The following CTNND2 variants were observed in gnomAD, a reference collection of about 807,000 sequenced individuals.
The protein encoded by CTNND2 is catenin delta-2.
Under a neutral mutation model 144.4 loss-of-function variants are expected in CTNND2, and 22 were observed. The observed-to-expected ratio is 0.15, with a 90% CI of 0.11 to 0.22. The LOEUF is 0.22. Ranked by LOEUF, CTNND2 falls within the 10% of genes least tolerant of loss-of-function variation. The pLI is 1.00. For missense variants in CTNND2, 1,353 were observed against 1,618.8 expected (o/e 0.84, Z 2.82); for synonymous variants, 751 against 695.6 (o/e 1.08, Z -1.25).
intron 7 of CTNND2, among the ~76,000 whole-genome samples, chr5:11,367,652 T>A (rs1185287126): frequency 6.6e-6 from 1 of 152,222 alleles, no homozygotes; most frequent in Admixed American, 6.5e-5. Context: ...AGAAAAAATG[T>A]TGGAGAAAAT....
intron 1 of CTNND2, among the ~76,000 whole-genome samples, chr5:11,800,786 CT>C (rs2126886554): frequency 6.6e-6 from 1 of 152,258 alleles, no homozygotes; most frequent in Admixed American, 6.5e-5. Context: ...ATCCTTCTCA[CT>C]TAGAATTGAG....
intron 2 of CTNND2, among the ~76,000 whole-genome samples, chr5:11,633,050 C>T (rs149715838): frequency 6.6e-6 from 1 of 152,154 alleles, no homozygotes; most frequent in African/African-American, 2.4e-5. Context: ...GCCAGAGAGA[C>T]AGGAGAGATA....
chr5:11,597,379 T>C (rs1779564228), intron 2 of CTNND2, among the ~76,000 whole-genome samples: 1 of 152,166 alleles, frequency 6.6e-6, no homozygotes, highest in Non-Finnish European at 1.5e-5. Flanking sequence ...GCTCCCTTTA[T>C]TACCCAGTCA....
At chr5:11,229,829 A>C (rs1276677370) in intron 10 of CTNND2, among the ~76,000 whole-genome samples, 1 of 151,610 alleles carries the variant, frequency 6.6e-6, no homozygotes, top group Admixed American at 6.6e-5. Flanking sequence ...ACATATATAT[A>C]CTCCTCTTTT....
intron 3 of CTNND2, among the ~76,000 whole-genome samples, chr5:11,504,071 C>G (rs1406320937): frequency 2.0e-5 from 3 of 152,184 alleles, no homozygotes; most frequent in African/African-American, 7.2e-5. Context: ...GCTAAAGAAT[C>G]ATTATATTTA....
chr5:11,783,663 C>T (rs1232468778), intron 1 of CTNND2, among the ~76,000 whole-genome samples: 2 of 152,186 alleles, frequency 1.3e-5, no homozygotes, highest in Non-Finnish European at 2.9e-5. Flanking sequence ...CAGTGGAGAT[C>T]ATGAGCAAGT....
chr5:11,311,095 C>T (rs1750777421), intron 9 of CTNND2, among the ~76,000 whole-genome samples: 1 of 148,366 alleles, frequency 6.7e-6, no homozygotes, highest in South Asian at 2.2e-4. Context: ...TACATACACT[C>T]TCACACTCTC....
In CTNND2 at chr5:11,694,779, G is replaced by A. The variant is rs149644817; in HGVS notation, c.174+37357C>T. Among the ~76,000 whole-genome samples the A allele has an allele frequency of 4.4e-3, 675 of 152,234 alleles. 4 individuals carry two copies. The highest frequency in any genetic ancestry group is 0.016 in the African/African-American group (650 of 41,544). Reference sequence around the variant, plus strand: ...ATCTCTCCTCTCTCCTTCTGTCTCTGTTCAACACTGTCATAAATATTTCTT... The same window carrying A: ...ATCTCTCCTCTCTCCTTCTGTCTCTATTCAACACTGTCATAAATATTTCTT... On this transcript the variant is annotated intron_variant, in intron 2 of 21. Transcript: ENST00000304623.
intron 9 of CTNND2, among the ~76,000 whole-genome samples, chr5:11,265,254 T>C (rs552391530): frequency 1.9e-4 from 29 of 152,284 alleles, no homozygotes; most frequent in African/African-American, 6.7e-4. Context: ...AATCTGTGTA[T>C]AGGACTGGAA....
At chr5:11,861,297 CATA>C (rs1228149110) in intron 1 of CTNND2, among the ~76,000 whole-genome samples, 2 of 152,312 alleles carry the variant, frequency 1.3e-5, no homozygotes, top group Non-Finnish European at 2.9e-5. Flanking sequence ...CATGACACAG[CATA>C]ATACCACATA....
intron 20 of CTNND2, 60 bp from the exon 21 acceptor site, chr5:10,981,906 G>A (rs1322634939): frequency 6.9e-7 from 1 of 1,439,390 alleles, no homozygotes; most frequent in Non-Finnish European, 9.7e-7. Context: ...ATAAGGAATA[G>A]TTGTTATTGA....
At chr5:11,690,737 C>T (rs531797673) in intron 2 of CTNND2, among the ~76,000 whole-genome samples, 16 of 98,152 alleles carry the variant, frequency 1.6e-4, no homozygotes, top group South Asian at 1.3e-3. Flanking sequence ...AGCGAGACTC[C>T]GTCTCAAAAA....
intron 9 of CTNND2, among the ~76,000 whole-genome samples, chr5:11,285,961 A>C (rs1258842019): frequency 6.6e-6 from 1 of 152,252 alleles, no homozygotes; most frequent in Non-Finnish European, 1.5e-5. Context: ...ATCAATAATG[A>C]TGCCACAGCA....
chr5:11,362,848 G>T (rs1030518749), intron 8 of CTNND2, among the ~76,000 whole-genome samples: 2 of 152,160 alleles, frequency 1.3e-5, no homozygotes, highest in African/African-American at 4.8e-5. Context: ...CCTGTCAAGG[G>T]CCAGATAGTA....
intron 1 of CTNND2, among the ~76,000 whole-genome samples, chr5:11,897,344 CT>C (rs1737476559): frequency 6.6e-6 from 1 of 152,152 alleles, no homozygotes; most frequent in Non-Finnish European, 1.5e-5. Flanking sequence ...AGTAGTCATG[CT>C]TAGACTTAAA....
chr5:11,466,880 T>G (rs947750667), intron 3 of CTNND2, among the ~76,000 whole-genome samples: 2 of 152,342 alleles, frequency 1.3e-5, no homozygotes, highest in Middle Eastern at 6.8e-3. Context: ...TTCCCACACA[T>G]GCGTGTACTG....
chr5:11,282,610 G>A (rs1747277798), intron 9 of CTNND2, among the ~76,000 whole-genome samples: 1 of 152,178 alleles, frequency 6.6e-6, no homozygotes, highest in African/African-American at 2.4e-5. Context: ...TTGTCTTCCT[G>A]TAGATGCTAG....
At chr5:11,670,362 CATT>C (rs1783817916) in intron 2 of CTNND2, among the ~76,000 whole-genome samples, 1 of 152,116 alleles carries the variant, frequency 6.6e-6, no homozygotes, top group Non-Finnish European at 1.5e-5. Flanking sequence ...TAAAGTCTTC[CATT>C]ATTATTGTGT....
At chr5:11,225,064 C>T (rs780238473) in intron 10 of CTNND2, among the ~76,000 whole-genome samples, 3 of 152,028 alleles carry the variant, frequency 2.0e-5, no homozygotes, top group African/African-American at 7.2e-5. Flanking sequence ...GAAAGACTGC[C>T]TGTGTGTCTT....
Sources: gnomAD v4.1 joint callset for allele counts (sites outside exome capture counted in the v4.1 genomes callset) on GRCh38, gnomAD v4.1.1 for gene constraint, MANE v1.5 for transcripts, NCBI Gene and HGNC (gene_info 2026-07-23, HGNC 2026-07-21) for gene names.